The following VRK1 variants were observed in gnomAD, a reference collection of about 807,000 sequenced individuals.
VRK1 encodes the protein serine/threonine-protein kinase VRK1.
A neutral mutation model predicts 57.1 loss-of-function variants in VRK1; 33 were observed. The observed-to-expected ratio is 0.58, with a 90% CI of 0.44 to 0.77. The LOEUF is 0.77. Ranked by LOEUF, VRK1 falls within the 30% of genes least tolerant of loss-of-function variation. VRK1 has a pLI of 0.00. For missense variants in VRK1, 413 were observed against 477.3 expected (o/e 0.87, Z 1.25); for synonymous variants, 137 against 147.8 (o/e 0.93, Z 0.53).
rs752468446 is a variant in VRK1 at position 96,856,262 on chromosome 14, C to T, written c.830+12C>T. 1.9e-6 allele frequency: 3 copies of T among 1,611,884 alleles called. No homozygotes were observed. The highest frequency in any genetic ancestry group is 2.5e-6 in the Non-Finnish European group (3 of 1,179,378). The stretch of plus-strand genomic sequence containing the variant: ...GATTCCAAAATTAGGTAAAGGAAAA[C>T]TTAAGTTATTTCTAGCAAAATCATG... On this transcript the variant is annotated intron_variant, in intron 9 of 12. Transcript: ENST00000216639.
intron 12 of VRK1, chr14:96,877,477 C>G (rs1336524625): frequency 6.2e-6 from 8 of 1,288,908 alleles, no homozygotes; most frequent in Non-Finnish European, 8.1e-6. Context: ...CCTCCTTTCC[C>G]CTGTCTTGTT....
chr14:96,801,884 G>T (rs1217994872), intron 1 of VRK1, among the ~76,000 whole-genome samples: 5 of 152,132 alleles, frequency 3.3e-5, no homozygotes, highest in Non-Finnish European at 7.4e-5. Context: ...CAAGAGGAGA[G>T]GTTGGTCTTG....
rs768334025 is a variant in VRK1, at chr14:96,833,460, G to C, written c.-5-7G>C. On this transcript the variant is annotated splice_region_variant and splice_polypyrimidine_tract_variant and intron_variant, in intron 1 of 12. Coordinates refer to ENST00000216639, the MANE Select transcript of VRK1 (RefSeq NM_003384.3). ...AATTCTGACCATTTCTTTGTTTTAT[G>C]TTATAGTGAAAATGCCTCGTGTAAA... The C allele has an allele frequency of 2.1e-5, 34 of 1,613,012 alleles. No individual in the cohort carries two copies. In the Admixed American group the frequency reaches 5.7e-4, roughly 27 times the overall value.
chr14:96,810,933 A>AT (rs34705713), intron 1 of VRK1, among the ~76,000 whole-genome samples: 11,262 of 149,110 alleles, frequency 0.076, 503 homozygotes, highest in South Asian at 0.17. Flanking sequence ...TGTTCTTCTG[A>AT]TTTTTTTTTT....
intron 8 of VRK1, 138 bp downstream of exon 8, chr14:96,855,494 G>T: frequency 7.8e-7 from 1 of 1,289,470 alleles, no homozygotes; most frequent in Admixed American, 1.9e-5. Flanking sequence ...AAAGAAGGCA[G>T]AGGTGAGACT....
chr14:96,878,641 C>T (rs1319177944), intron 12 of VRK1, among the ~76,000 whole-genome samples: 1 of 152,148 alleles, frequency 6.6e-6, no homozygotes, highest in Non-Finnish European at 1.5e-5. Context: ...TGTAAGAACA[C>T]ATTCTGAAAG....
intron 1 of VRK1, among the ~76,000 whole-genome samples, 189 bp from the exon 2 acceptor site, chr14:96,833,274 GTTTC>G (rs1225994969): frequency 6.6e-6 from 1 of 152,008 alleles, no homozygotes; most frequent in Non-Finnish European, 1.5e-5. Context: ...TGATTTTATT[GTTTC>G]TTCTCCAAAG....
intron 1 of VRK1, among the ~76,000 whole-genome samples, chr14:96,808,444 C>G (rs1024879808): frequency 6.6e-6 from 1 of 152,082 alleles, no homozygotes; most frequent in Non-Finnish European, 1.5e-5. Flanking sequence ...AAGCATCAAG[C>G]TCAATTATTT....
chr14:96,860,658 A>C lies in VRK1; in HGVS notation c.991A>C (p.Ile331Leu), dbSNP rs752906377. 1 of 1,613,304 alleles carries C rather than the reference A, an allele frequency of 6.2e-7. No individual in the cohort carries two copies. Among genetic ancestry groups the C allele is most frequent in the Non-Finnish European group, 8.5e-7 (1 of 1,179,562 alleles). ...RDILLQGLKA[I>L]GSKDDGKLDL... ...CATTCTTTTGCAAGGACTAAAAGCT[A>C]TAGGAAGTAAGGATGATGGCAAATT... Residue 331 changes from isoleucine (I) to leucine (L), a missense_variant, in exon 11 of 13, where the codon ATA becomes CTA. Around this residue, in one of 3 missense-constraint regions of VRK1, gnomAD observed 146 missense variants for 138.2 expected, o/e 1.06. Coordinates refer to ENST00000216639, the MANE Select transcript of VRK1 (RefSeq NM_003384.3).
At chr14:96,877,579 T>A in intron 12 of VRK1, 1 of 1,289,422 alleles carries the variant, frequency 7.8e-7, no homozygotes, top group African/African-American at 1.5e-5. Context: ...TGACAGTGAG[T>A]GGGAACAAAA....
At position 96,838,874 on chromosome 14, in the gene VRK1, A is replaced by C. The variant is rs184278280; in HGVS notation, c.216+1057A>C. On this transcript the variant is annotated intron_variant, in intron 3 of 12. Coordinates refer to ENST00000216639, the MANE Select transcript of VRK1 (RefSeq NM_003384.3). ...TTTGGACCTTTTTAGTGATTTTTAAACTTTTTTAAAAAAATTGAGGCATGA... is the reference window on the plus strand; with the variant it reads ...TTTGGACCTTTTTAGTGATTTTTAACCTTTTTTAAAAAAATTGAGGCATGA... 1.6e-4 allele frequency among the ~76,000 whole-genome samples: 25 copies of C among 151,954 alleles called. 1 individual carries two copies. The East Asian group carries it at 4.6e-3, about 28-fold the overall frequency.
At chr14:96,847,883 C>G (rs560934702) in intron 5 of VRK1, among the ~76,000 whole-genome samples, 1 of 152,128 alleles carries the variant, frequency 6.6e-6, no homozygotes, top group South Asian at 2.1e-4. Context: ...TACTGACTTA[C>G]GTGTCTTAGG....
intron 1 of VRK1, among the ~76,000 whole-genome samples, chr14:96,803,321 C>T (rs774303493): frequency 6.6e-6 from 1 of 151,930 alleles, no homozygotes; most frequent in Non-Finnish European, 1.5e-5. Flanking sequence ...CAGGCGCCTG[C>T]TGCCACGCAC....
intron 10 of VRK1, among the ~76,000 whole-genome samples, chr14:96,858,309 G>A (rs1049145439): frequency 1.3e-5 from 2 of 152,116 alleles, no homozygotes; most frequent in African/African-American, 4.8e-5. Flanking sequence ...GCCCAGGCTA[G>A]TCTTGAACTC....
intron 11 of VRK1, among the ~76,000 whole-genome samples, chr14:96,874,615 G>GT (rs1044384661): frequency 1.3e-5 from 2 of 152,154 alleles, no homozygotes; most frequent in African/African-American, 2.4e-5. Flanking sequence ...GTTTCTCAAG[G>GT]TTCAGTCAAG....
chr14:96,843,002 C>A (rs754652694), intron 3 of VRK1, among the ~76,000 whole-genome samples: 2 of 152,148 alleles, frequency 1.3e-5, no homozygotes, highest in Non-Finnish European at 2.9e-5. Flanking sequence ...AGATAGTTAA[C>A]CCACAAATCT....
intron 1 of VRK1, among the ~76,000 whole-genome samples, chr14:96,812,897 A>G (rs544342145): frequency 1.1e-4 from 16 of 152,352 alleles, no homozygotes; most frequent in Middle Eastern, 6.8e-3. Context: ...ACAAACCAGT[A>G]GGTAAAATGC....
chr14:96,836,509 C>T (rs1887219062), intron 2 of VRK1, among the ~76,000 whole-genome samples: 1 of 147,864 alleles, frequency 6.8e-6, no homozygotes, highest in Non-Finnish European at 1.5e-5. Flanking sequence ...CACACTCCTA[C>T]ATCAGGGTCT....
chr14:96,823,344 A>T (rs895050463), intron 1 of VRK1, among the ~76,000 whole-genome samples: 1 of 152,236 alleles, frequency 6.6e-6, no homozygotes, highest in African/African-American at 2.4e-5. Context: ...GACTATTTGT[A>T]GAGTGAGTGA....
Sources: gnomAD v4.1 joint callset for allele counts (sites outside exome capture counted in the v4.1 genomes callset) on GRCh38, gnomAD v4.1.1 for gene constraint, gnomAD v4.1.1 regional missense constraint, MANE v1.5 for transcripts, NCBI Gene and HGNC (gene_info 2026-07-23, HGNC 2026-07-21) for gene names.